RGS6: variants seen among roughly 807,000 people sequenced by gnomAD.
RGS6 encodes the protein regulator of G protein signaling 6, also known as regulator of G-protein signaling 6.
RGS6 carries 30 observed loss-of-function variants against 78.5 expected under a neutral mutation model. The ratio of observed to expected loss-of-function variants is 0.38; its 90% CI spans 0.29 to 0.52. The LOEUF (loss-of-function observed/expected upper bound fraction) is 0.52. RGS6 is among the 20% of genes least tolerant of loss of function. The probability of loss-of-function intolerance (pLI) is 0.85; values close to 1 mark genes in which losing one functional copy is unlikely to be tolerated. For synonymous variants in RGS6, 206 were observed against 206.0 expected, an observed-to-expected ratio of 1.00 and a Z score of 0.00; for missense variants, 495 against 609.7, an observed-to-expected ratio of 0.81 and a Z score of 1.98.
chr14:72,407,174 C>G (rs563558493), intron 3 of RGS6, among the ~76,000 whole-genome samples: 1 of 152,324 alleles, frequency 6.6e-6, no homozygotes, highest in African/African-American at 2.4e-5. Context: ...CTGGTGACCA[C>G]CTTTAACTCA....
chr14:72,454,570 A>C lies in RGS6; in HGVS notation c.227A>C (p.Glu76Ala), dbSNP rs1431843057. 6.2e-7 allele frequency: 1 copy of C among 1,614,002 alleles called. No individual in the cohort carries two copies. Among genetic ancestry groups the C allele is most frequent in the African/African-American group, 1.3e-5 (1 of 75,028 alleles). Reference sequence around the variant, plus strand: ...TGGCTTATGAAGAACCTTTCCATTGAGGACCCAGGTACTTGACCTTTGACC... The same window carrying C: ...TGGCTTATGAAGAACCTTTCCATTGCGGACCCAGGTACTTGACCTTTGACC... The part of the protein sequence containing the change: ...VQWLMKNLSI[E>A]DPVEAIHLGS... Residue 76 changes from glutamate (E) to alanine (A), a missense_variant, in exon 4 of 18, where the codon GAG becomes GCG. Glu to Ala is a moderately radical substitution (Grantham distance 107). Coordinates refer to ENST00000553525, the MANE Select transcript of RGS6 (RefSeq NM_001204424.2).
the RGS6 span, among the ~76,000 whole-genome samples, chr14:71,876,411 G>T: frequency 7.2e-6 from 1 of 139,372 alleles, no homozygotes; most frequent in African/African-American, 2.7e-5. Context: ...GGTCTTCTTT[G>T]TCTCTTTTGA....
intron 17 of RGS6, among the ~76,000 whole-genome samples, chr14:72,549,051 A>G (rs2097456454): frequency 6.6e-6 from 1 of 152,148 alleles, no homozygotes; most frequent in African/African-American, 2.4e-5. Context: ...GTTTATAAAT[A>G]AGTCCTGGAA....
intron 2 of RGS6, among the ~76,000 whole-genome samples, chr14:72,147,506 A>G (rs994626289): frequency 9.9e-5 from 15 of 152,228 alleles, no homozygotes; most frequent in African/African-American, 3.6e-4. Flanking sequence ...CACTCTTGCA[A>G]TAATGACATT....
At chr14:72,458,157 T>C (rs2095681674) in intron 4 of RGS6, 114 bp from the exon 5 acceptor site, 1 of 757,812 alleles carries the variant, frequency 1.3e-6, no homozygotes, top group Admixed American at 2.5e-5. Context: ...GGCAATTGTA[T>C]CATCAACACA....
At chr14:72,030,663 GTAAGA>G (rs1307657692) in intron 2 of RGS6, among the ~76,000 whole-genome samples, 3 of 152,314 alleles carry the variant, frequency 2.0e-5, no homozygotes, top group African/African-American at 7.2e-5. Context: ...GTACCATTAT[GTAAGA>G]TAAGTGGAGC....
chr14:72,295,847 A>T (rs2064700656), intron 2 of RGS6, among the ~76,000 whole-genome samples: 1 of 152,218 alleles, frequency 6.6e-6, no homozygotes, highest in African/African-American at 2.4e-5. Flanking sequence ...AAAGATCTGG[A>T]TAGAAGTTTG....
At chr14:72,390,146 G>A (rs2089566394) in intron 3 of RGS6, among the ~76,000 whole-genome samples, 1 of 143,634 alleles carries the variant, frequency 7.0e-6, no homozygotes, top group African/African-American at 2.6e-5. Flanking sequence ...CACCCAGGAT[G>A]GAGTGCAGTG....
the RGS6 span, among the ~76,000 whole-genome samples, chr14:72,614,619 G>A: frequency 6.6e-6 from 1 of 151,912 alleles, no homozygotes; most frequent in Non-Finnish European, 1.5e-5. Flanking sequence ...CTGGGTGAGG[G>A]GCTTACTTTG....
At chr14:71,946,044 T>G (rs894977607) in intron 1 of RGS6, among the ~76,000 whole-genome samples, 13 of 152,196 alleles carry the variant, frequency 8.5e-5, no homozygotes, top group African/African-American at 3.1e-4. Flanking sequence ...CCATACATCC[T>G]AATACAAAGA....
intron 2 of RGS6, among the ~76,000 whole-genome samples, chr14:72,240,331 G>A (rs559789628): frequency 6.6e-6 from 1 of 152,210 alleles, no homozygotes; most frequent in South Asian, 2.1e-4. Flanking sequence ...TCGGGGTGGG[G>A]GGGATTTTTA....
intron 13 of RGS6, among the ~76,000 whole-genome samples, chr14:72,502,394 G>GT (rs1318808132): frequency 1.3e-5 from 2 of 152,204 alleles, no homozygotes; most frequent in Non-Finnish European, 2.9e-5. Context: ...GTGGAGCCTA[G>GT]TCAACCCATA....
rs1555400488 is a variant in RGS6, at chr14:71,956,357, G to GTGTGTGTATA, written c.-20-8414_-20-8413insGTGTGTATAT. 6.6e-5 allele frequency among the ~76,000 whole-genome samples: 10 copies of GTGTGTGTATA among 150,592 alleles called. 1 individual carries two copies. The highest frequency in any genetic ancestry group is 1.3e-4 in the Admixed American group (2 of 15,070). On this transcript the variant is annotated intron_variant, in intron 1 of 17. Transcript: ENST00000553525. ...TGTGTGTGTGTGTGTGTGTGTGTGT[G>GTGTGTGTATA]TATATTCTATTTTTATATATACAAT...
intron 14 of RGS6, chr14:72,511,902 A>C (rs1361252364): frequency 1.3e-5 from 2 of 152,236 alleles, no homozygotes; most frequent in Non-Finnish European, 2.9e-5. Context: ...GCTTCATTTC[A>C]ATGCCTAATG....
At chr14:72,390,759 C>G (rs1209703024) in intron 3 of RGS6, among the ~76,000 whole-genome samples, 1 of 152,160 alleles carries the variant, frequency 6.6e-6, no homozygotes, top group African/African-American at 2.4e-5. Context: ...TGGTTCAACA[C>G]TCGTTTTACA....
intron 2 of RGS6, among the ~76,000 whole-genome samples, chr14:72,289,745 A>C (rs1218188819): frequency 6.6e-6 from 1 of 152,246 alleles, no homozygotes; most frequent in Non-Finnish European, 1.5e-5. Context: ...CTTCCCACAG[A>C]AGATAGAAGC....
intron 2 of RGS6, among the ~76,000 whole-genome samples, chr14:72,113,074 A>ACACGCATG (rs1171439780): frequency 7.1e-6 from 1 of 140,310 alleles, no homozygotes; most frequent in Non-Finnish European, 1.6e-5. Context: ...ACACACACAC[A>ACACGCATG]CACGCATGCA....
intron 2 of RGS6, among the ~76,000 whole-genome samples, chr14:71,980,018 G>T (rs1434546182): frequency 5.8e-5 from 8 of 138,326 alleles, no homozygotes; most frequent in African/African-American, 1.9e-4. Flanking sequence ...TTATGTAATG[G>T]CCTTCTTTGT....
intron 2 of RGS6, among the ~76,000 whole-genome samples, chr14:72,042,271 G>A (rs1171658596): frequency 6.6e-6 from 1 of 151,828 alleles, no homozygotes; most frequent in Non-Finnish European, 1.5e-5. Context: ...GGGATTAGAG[G>A]TGCATGCCAC....
Sources: allele counts gnomAD v4.1 joint callset (sites outside exome capture counted in the v4.1 genomes callset), GRCh38; gene constraint gnomAD v4.1.1; transcripts MANE v1.5; gene names NCBI Gene and HGNC (gene_info 2026-07-23, HGNC 2026-07-21).